Variants in HDAC8 observed in about 807,000 individuals in gnomAD.
HDAC8 encodes the protein histone deacetylase 8.
HDAC8 carries 1 observed loss-of-function variant against 32.2 expected under a neutral mutation model. The observed-to-expected ratio is 0.03, with a 90% CI of 0.01 to 0.15. The LOEUF (loss-of-function observed/expected upper bound fraction) is 0.15. HDAC8 is among the 10% of genes least tolerant of loss of function. The pLI is 1.00. For synonymous variants in HDAC8, 108 were observed against 113.9 expected, an observed-to-expected ratio of 0.95 and a Z score of 0.33; for missense variants, 117 against 300.0, an observed-to-expected ratio of 0.39 and a Z score of 4.51.
chrX:72,505,085 T>G lies in HDAC8; in HGVS notation c.438-9817A>C, dbSNP rs371979190. On this transcript the variant is annotated intron_variant, in intron 4 of 10. Transcript: ENST00000373573. ...TTAAAATTTTTAAAAATTTAAAAAT[T>G]TTTTAATTTTTTTTTTGCTGTTGAG... Among the ~76,000 whole-genome samples the G allele has an allele frequency of 5.0e-4, 55 of 110,932 alleles. No homozygotes were observed. In the East Asian group the frequency reaches 0.01, roughly 21 times the overall value.
chrX:72,488,770 G>A lies in HDAC8; in HGVS notation c.737+163C>T, dbSNP rs183906573. Among the ~76,000 whole-genome samples, 641 of 111,119 alleles carry A rather than the reference G, an allele frequency of 5.8e-3. 5 individuals carry two copies. The highest frequency in any genetic ancestry group is 0.02 in the African/African-American group (614 of 30,566). ...CAACTGCTTGGCTCTGCCATACAGC[G>A]GATAGCTACTGATCAAATAAGCATA... On this transcript the variant is annotated intron_variant, in intron 7 of 10. Transcript: ENST00000373573.
chrX:72,558,622 C>T (rs781849417), intron 4 of HDAC8, among the ~76,000 whole-genome samples: 8 of 111,517 alleles, frequency 7.2e-5, no homozygotes, highest in African/African-American at 2.0e-4. Context: ...AACAAACCCA[C>T]GGCCAACATT....
chrX:72,524,991 CA>C (rs1207235710), intron 4 of HDAC8, among the ~76,000 whole-genome samples: 1 of 111,679 alleles, frequency 9.0e-6, no homozygotes, highest in Non-Finnish European at 1.9e-5. Flanking sequence ...GTAGTTTCAT[CA>C]GGCATTAGAT....
At chrX:72,391,493 G>A (rs2045610899) in intron 9 of HDAC8, among the ~76,000 whole-genome samples, 1 of 112,402 alleles carries the variant, frequency 8.9e-6, no homozygotes, top group African/African-American at 3.2e-5. Flanking sequence ...ACTAGATAAA[G>A]CATCACAGCT....
intron 9 of HDAC8, among the ~76,000 whole-genome samples, chrX:72,391,085 G>T (rs996428614): frequency 8.9e-6 from 1 of 111,913 alleles, no homozygotes; most frequent in Non-Finnish European, 1.9e-5. Flanking sequence ...AAAATGTGAG[G>T]TGTACCTGTA....
At chrX:72,434,242 G>C (rs782391779) in intron 9 of HDAC8, among the ~76,000 whole-genome samples, 44 of 111,360 alleles carry the variant, frequency 4.0e-4, no homozygotes, top group African/African-American at 1.4e-3. Flanking sequence ...TTGGTAAATG[G>C]GGTATAATGC....
intron 4 of HDAC8, among the ~76,000 whole-genome samples, chrX:72,560,104 G>A (rs908573804): frequency 8.9e-6 from 1 of 112,763 alleles, no homozygotes; most frequent in African/African-American, 3.2e-5. Flanking sequence ...TGACGATGGC[G>A]GTTTTGTCGA....
At chrX:72,569,961 A>G (rs2051953910) in intron 2 of HDAC8, among the ~76,000 whole-genome samples, 1 of 112,494 alleles carries the variant, frequency 8.9e-6, no homozygotes, top group Non-Finnish European at 1.9e-5. Flanking sequence ...TTCAAGTTGA[A>G]GGAGCCCTGA....
intron 4 of HDAC8, among the ~76,000 whole-genome samples, chrX:72,528,516 G>A (rs187881252): frequency 3.0e-3 from 340 of 112,220 alleles, no homozygotes; most frequent in South Asian, 5.2e-3. Context: ...CCTGTGATAA[G>A]AGGTGAGCAA....
chrX:72,560,968 A>T lies in HDAC8; in HGVS notation c.437+6921T>A, dbSNP rs782176979. 1.5e-4 allele frequency among the ~76,000 whole-genome samples: 16 copies of T among 107,837 alleles called. No homozygotes were observed. The South Asian group carries it at 5.0e-3, about 34-fold the overall frequency. The allele number at this position is 107,837 out of a possible 115,157, so 93.6% of individuals were successfully genotyped here. A position where few individuals can be genotyped will look rare whatever the true frequency, so the allele number is the denominator to read the frequency against. The stretch of plus-strand genomic sequence containing the variant: ...TTGAATGTAGTTTACTAATAAAAAT[A>T]AAAAAAAAAGAATATACCTAATCAA... On this transcript the variant is annotated intron_variant, in intron 4 of 10. Transcript: ENST00000373573.
rs62613005 is a variant in HDAC8, at chrX:72,543,490, A to T, written c.437+24399T>A. Reference sequence around the variant, plus strand: ...GAATTGGGCCAAGAGGGTAAGAGGGATCAATCACTGATTTGAAGGTGTTCT... The same window carrying T: ...GAATTGGGCCAAGAGGGTAAGAGGGTTCAATCACTGATTTGAAGGTGTTCT... On this transcript the variant is annotated intron_variant, in intron 4 of 10. Transcript: ENST00000373573. Among the ~76,000 whole-genome samples, 748 of 111,451 alleles carry T rather than the reference A, an allele frequency of 6.7e-3. 3 individuals carry two copies. The highest frequency in any genetic ancestry group is 0.012 in the South Asian group (31 of 2,623).
chrX:72,537,300 G>T (rs1261895048), intron 4 of HDAC8, among the ~76,000 whole-genome samples: 2 of 111,714 alleles, frequency 1.8e-5, no homozygotes, highest in Non-Finnish European at 3.8e-5. Flanking sequence ...CTATTCCAAA[G>T]TTGCCATCTA....
chrX:72,571,557 T>C (rs868949927), intron 2 of HDAC8, among the ~76,000 whole-genome samples: 4 of 47,855 alleles, frequency 8.4e-5, no homozygotes, highest in African/African-American at 6.2e-4. Flanking sequence ...TTCTTTCTTT[T>C]TTTTTTTTTT....
intron 9 of HDAC8, among the ~76,000 whole-genome samples, chrX:72,364,835 C>T (rs73225129): frequency 0.1 from 11,585 of 111,185 alleles, 483 homozygotes; most frequent in Non-Finnish European, 0.12. Flanking sequence ...AAAAGACCCC[C>T]GAAATAATAT....
At chrX:72,335,558 T>C (rs782425273) in intron 10 of HDAC8, among the ~76,000 whole-genome samples, 1 of 112,185 alleles carries the variant, frequency 8.9e-6, no homozygotes, top group Admixed American at 9.5e-5. Context: ...CATTCACCTA[T>C]TGCAAGACAT....
At chrX:72,455,765 G>C (rs1245334516) in intron 9 of HDAC8, among the ~76,000 whole-genome samples, 1 of 111,638 alleles carries the variant, frequency 9.0e-6, no homozygotes, top group Non-Finnish European at 1.9e-5. Context: ...TTTTGATACT[G>C]CATAAAATGT....
chrX:72,439,639 C>CAA (rs782744436), intron 9 of HDAC8, among the ~76,000 whole-genome samples: 3,250 of 36,179 alleles, frequency 0.09, 411 homozygotes, highest in African/African-American at 0.27. Flanking sequence ...AAATGGAAAG[C>CAA]AAAAAAAAAA....
chrX:72,472,311 C>T (rs1187118998), intron 7 of HDAC8, among the ~76,000 whole-genome samples: 1 of 110,892 alleles, frequency 9.0e-6, no homozygotes, highest in Non-Finnish European at 1.9e-5. Flanking sequence ...TCGTGATCCG[C>T]CCGCCTCGGC....
rs1276436650 is a variant in HDAC8 at position 72,553,286 on chromosome X, C to T, written c.437+14603G>A. ...GTCTCGATCTCTTGACCTTGTGATC[C>T]GCCTGCCTCGGTCTCCCAAAGTGCT... is the stretch of plus-strand genomic sequence containing the variant. On this transcript the variant is annotated intron_variant, in intron 4 of 10. Coordinates refer to ENST00000373573, the MANE Select transcript of HDAC8 (RefSeq NM_018486.3). Among the ~76,000 whole-genome samples, 10 of 111,387 alleles carry T rather than the reference C, an allele frequency of 9.0e-5. No individual in the cohort carries two copies. The East Asian group carries it at 1.7e-3, about 19-fold the overall frequency.
Sources: allele counts gnomAD v4.1 joint callset (sites outside exome capture counted in the v4.1 genomes callset), GRCh38; gene constraint gnomAD v4.1.1; transcripts MANE v1.5; gene names NCBI Gene and HGNC (gene_info 2026-07-23, HGNC 2026-07-21).